Variants in DMD observed in about 807,000 individuals in gnomAD.
DMD encodes the protein dystrophin.
DMD carries 63 observed loss-of-function variants against 330.1 expected under a neutral mutation model. The observed-to-expected ratio is 0.19, with a 90% confidence interval of 0.16 to 0.24. DMD has a LOEUF of 0.24. DMD is among the 10% of genes least tolerant of loss of function. The pLI, the probability that DMD is intolerant of heterozygous loss-of-function variation, is 1.00. For missense variants in DMD, 3,344 were observed against 2,684.1 expected (o/e 1.25, Z -5.43); for synonymous variants, 1,223 against 959.8 (o/e 1.27, Z -5.07).
intron 25 of DMD, among the ~76,000 whole-genome samples, chrX:32,459,304 T>C (rs1403433118): frequency 9.0e-6 from 1 of 111,099 alleles, no homozygotes; most frequent in Non-Finnish European, 1.9e-5. Flanking sequence ...AAATTAAATA[T>C]GTACAGCTTT....
At chrX:33,142,836 C>T (rs945623104) in intron 1 of DMD, among the ~76,000 whole-genome samples, 1 of 111,971 alleles carries the variant, frequency 8.9e-6, no homozygotes, top group African/African-American at 3.2e-5. Context: ...ATCTCTTGTG[C>T]GTGCTAAAGC....
intron 67 of DMD, among the ~76,000 whole-genome samples, chrX:31,196,819 CAAAAAAAAAAAAAAAAAAAAAAAAAAAA>C (rs59602681): frequency 1.6e-4 from 4 of 24,701 alleles, no homozygotes; most frequent in East Asian, 1.7e-3. Context: ...GACTCTGTCT[CAAAAAAAAAAAAAAAAAAAAAAAAAAAA>C]AAAAAAAAAA....
At chrX:32,043,168 A>G (rs777063253) in intron 44 of DMD, among the ~76,000 whole-genome samples, 1 of 111,783 alleles carries the variant, frequency 8.9e-6, no homozygotes, top group South Asian at 3.8e-4. Context: ...ATATACACCT[A>G]CCATGTACTC....
At chrX:31,691,420 G>T in intron 52 of DMD, among the ~76,000 whole-genome samples, 1 of 111,481 alleles carries the variant, frequency 9.0e-6, no homozygotes, top group Non-Finnish European at 1.9e-5. Context: ...ACACTAGTAA[G>T]TCCTTACCCA....
intron 51 of DMD, among the ~76,000 whole-genome samples, chrX:31,747,368 A>G (rs1372300507): frequency 8.9e-6 from 1 of 112,083 alleles, no homozygotes; most frequent in Non-Finnish European, 1.9e-5. Flanking sequence ...AAATTACAAT[A>G]GAATATATTT....
intron 16 of DMD, among the ~76,000 whole-genome samples, chrX:32,556,413 T>A (rs767407004): frequency 1.8e-5 from 2 of 111,460 alleles, no homozygotes; most frequent in Non-Finnish European, 3.8e-5. Flanking sequence ...CGGAGATTTC[T>A]CAAAGACTTA....
chrX:32,389,667 A>G lies in DMD; in HGVS notation c.4352T>C (p.Leu1451Ser). 1 of 1,210,112 alleles carries G rather than the reference A, an allele frequency of 8.3e-7. No homozygotes were observed. The highest frequency in any genetic ancestry group is 1.1e-6 in the Non-Finnish European group (1 of 894,675). The part of the protein sequence containing the change: ...LSQIDVAQKK[L>S]QDVSMKFRLF... ...TCGAAACTTCATGGAGACATCTTGT[A>G]ATTTTTTCTGTAAGGACAGTGTAAA... The change falls in exon 32 of 79, where the codon TTA becomes TCA. Residue 1451 changes from leucine (L) to serine (S), a missense_variant. By Grantham distance (145) the Leu-to-Ser change is moderately radical (BLOSUM62 -2). Coordinates refer to ENST00000357033, the MANE Select transcript of DMD (RefSeq NM_004006.3).
At chrX:32,790,374 C>T (rs947071718) in intron 7 of DMD, among the ~76,000 whole-genome samples, 1 of 111,415 alleles carries the variant, frequency 9.0e-6, no homozygotes, top group Non-Finnish European at 1.9e-5. Context: ...CAATCCTAGC[C>T]AATTGAGAGC....
chrX:33,196,876 A>G (rs1248482616), intron 1 of DMD, among the ~76,000 whole-genome samples: 1 of 111,232 alleles, frequency 9.0e-6, no homozygotes, highest in African/African-American at 3.3e-5. Context: ...TTGTAGGTAG[A>G]GGCAAGTTTA....
rs755863780 is a variant in DMD at position 31,182,943 on chromosome X, A to C, written c.9808-39T>G. ...AGGGAGAGAGAAGGAGGGCAAAAGG[A>C]TGAAAGGAAAGAAGGCAAGATGGCA... On this transcript the variant is annotated intron_variant, in intron 67 of 78. Transcript: ENST00000357033. 1 of 1,136,847 alleles carries C rather than the reference A, an allele frequency of 8.8e-7. No homozygotes were observed. The highest frequency in any genetic ancestry group is 3.0e-5 in the East Asian group (1 of 32,940). 93.7% of individuals were successfully genotyped at this position (1,136,847 alleles called of 1,213,427 possible).
chrX:31,434,418 G>A (rs867484548), intron 60 of DMD, among the ~76,000 whole-genome samples: 10 of 78,065 alleles, frequency 1.3e-4, no homozygotes, highest in African/African-American at 1.7e-4. Flanking sequence ...CAGCGCGCGC[G>A]CACACACACA....
chrX:31,882,259 G>A (rs772231218), intron 47 of DMD, among the ~76,000 whole-genome samples: 32 of 111,528 alleles, frequency 2.9e-4, no homozygotes, highest in Non-Finnish European at 4.9e-4. Flanking sequence ...TCTATATAGC[G>A]TTTCCTAATT....
chrX:31,667,896 G>T (rs928580687), intron 53 of DMD, among the ~76,000 whole-genome samples: 1 of 111,845 alleles, frequency 8.9e-6, no homozygotes, highest in African/African-American at 3.2e-5. Context: ...CCAGTAATGT[G>T]AAAATTCCAA....
chrX:32,645,033 G>A lies in DMD; in HGVS notation c.1080C>T (p.Asp360=), dbSNP rs1257660485. 2.5e-6 allele frequency: 3 copies of A among 1,211,410 alleles called. No homozygotes were observed. The highest frequency in any genetic ancestry group is 1.8e-5 in the South Asian group (1 of 57,002). The change falls in exon 10 of 79, where the codon GAC becomes GAT. Residue 360 remains aspartate (D), a synonymous_variant. Transcript: ENST00000357033. ...AAATCTCTCCTTGTGCTTGCAATGT[G>A]TCCTCAGCAGAAAGAAGCCACGATA... ...EVLSWLLSAE[D]TLQAQGEISN...
chrX:33,316,378 A>G, intron 1 of DMD, among the ~76,000 whole-genome samples: 1 of 111,507 alleles, frequency 9.0e-6, no homozygotes, highest in East Asian at 2.8e-4. Flanking sequence ...GGAATAAATC[A>G]TATATACCCA....
chrX:32,172,048 T>C (rs1343931057), intron 44 of DMD, among the ~76,000 whole-genome samples: 1 of 111,797 alleles, frequency 8.9e-6, no homozygotes, highest in Non-Finnish European at 1.9e-5. Context: ...ATTAGACAAA[T>C]AGAAGGAACA....
chrX:31,479,877 G>T (rs765657052), intron 57 of DMD, among the ~76,000 whole-genome samples: 2 of 111,861 alleles, frequency 1.8e-5, no homozygotes, highest in Non-Finnish European at 3.8e-5. Context: ...GAAGCAGAGT[G>T]AAAACAGTAA....
chrX:31,348,460 C>G lies in DMD; in HGVS notation c.9163+96G>C, dbSNP rs961433245. The G allele has an allele frequency of 3.9e-6, 3 of 764,964 alleles. No individual in the cohort carries two copies. The Admixed American group carries it at 7.9e-5, about 20-fold the overall frequency. The allele number at this position is 764,964 out of a possible 1,213,427, so 63.0% of individuals were successfully genotyped here. On this transcript the variant is annotated intron_variant, in intron 61 of 78. Transcript: ENST00000357033. ...TTCTACTGCATCTGATAAAAGATTA[C>G]TATAATTCAACTCTTAATTCTTTTG...
At chrX:31,552,754 A>G (rs1195017379) in intron 55 of DMD, among the ~76,000 whole-genome samples, 2 of 111,675 alleles carry the variant, frequency 1.8e-5, no homozygotes, top group Non-Finnish European at 3.8e-5. Context: ...CATGGGTTAC[A>G]TGGGTTTGAG....
Sources: gnomAD v4.1 joint callset for allele counts (sites outside exome capture counted in the v4.1 genomes callset) on GRCh38, gnomAD v4.1.1 for gene constraint, MANE v1.5 for transcripts, NCBI Gene and HGNC (gene_info 2026-07-23, HGNC 2026-07-21) for gene names.